XKR6: variants seen among roughly 807,000 people sequenced by gnomAD.
XKR6 encodes the protein XK related 6.
XKR6 carries 22 observed loss-of-function variants against 56.7 expected under a neutral mutation model. That is an observed-to-expected ratio of 0.39 (90% CI 0.28 to 0.55). The LOEUF is 0.55. Ranked by LOEUF, XKR6 falls within the 20% of genes least tolerant of loss-of-function variation. XKR6 has a pLI of 0.66. For missense variants in XKR6, 852 were observed against 889.0 expected, an observed-to-expected ratio of 0.96 and a Z score of 0.53; for synonymous variants, 524 against 387.8, an observed-to-expected ratio of 1.35 and a Z score of -4.13.
chr8:11,169,310 T>G (rs953935146), intron 1 of XKR6, among the ~76,000 whole-genome samples: 9 of 152,208 alleles, frequency 5.9e-5, no homozygotes, highest in Non-Finnish European at 7.3e-5. Flanking sequence ...GAACTTCAGG[T>G]GCTACCTCAC....
chr8:11,188,798 G>T (rs1235837094), intron 1 of XKR6, among the ~76,000 whole-genome samples: 3 of 152,142 alleles, frequency 2.0e-5, no homozygotes, highest in African/African-American at 7.2e-5. Flanking sequence ...CAAGTCCACA[G>T]ACCCCAGGCC....
intron 1 of XKR6, among the ~76,000 whole-genome samples, chr8:11,087,487 A>G (rs887394752): frequency 8.5e-5 from 13 of 152,144 alleles, no homozygotes; most frequent in African/African-American, 3.1e-4. Context: ...AGACATGGAG[A>G]AGGCTGGCAG....
intron 1 of XKR6, among the ~76,000 whole-genome samples, chr8:10,974,450 G>C (rs575275296): frequency 4.3e-4 from 65 of 152,304 alleles, no homozygotes; most frequent in Non-Finnish European, 8.1e-4. Flanking sequence ...ATGCTCCCCA[G>C]AAAGGCTACC....
chr8:10,948,436 C>T (rs959885855), intron 1 of XKR6, among the ~76,000 whole-genome samples: 3 of 152,158 alleles, frequency 2.0e-5, no homozygotes, highest in Non-Finnish European at 2.9e-5. Context: ...GCCCCCTGCC[C>T]TGGCTGAGTG....
intron 1 of XKR6, among the ~76,000 whole-genome samples, chr8:10,975,471 C>A (rs577909927): frequency 3.9e-4 from 60 of 152,390 alleles, no homozygotes; most frequent in Non-Finnish European, 8.8e-5. Flanking sequence ...GCCAGAGCCA[C>A]GTGCTTGCCC....
intron 1 of XKR6, among the ~76,000 whole-genome samples, chr8:11,097,702 G>A (rs975533634): frequency 6.6e-6 from 1 of 150,840 alleles, no homozygotes; most frequent in African/African-American, 2.4e-5. Context: ...AGCTACTTGG[G>A]AGGCTGAGGC....
intron 1 of XKR6, among the ~76,000 whole-genome samples, chr8:10,966,243 C>A (rs1802218527): frequency 6.6e-6 from 1 of 152,022 alleles, no homozygotes; most frequent in Non-Finnish European, 1.5e-5. Context: ...ATTTCCATTT[C>A]TAACAAGTTC....
chr8:11,129,014 G>T, intron 1 of XKR6: 1 of 456,140 alleles, frequency 2.2e-6, no homozygotes, highest in South Asian at 1.6e-5. Context: ...TAACTGAGGT[G>T]AAACTTACAC....
Position 10,898,441 on chromosome 8 carries a change from A to G in XKR6, c.1437T>C (p.Cys479=). The change falls in exon 3 of 3, where the codon TGT becomes TGC. Residue 479 remains cysteine, a synonymous_variant. Transcript: ENST00000416569. The surrounding 1 kb of genome is among the most constrained non-coding windows in gnomAD (Gnocchi z 6.6). ...TDSYAVPALC[C]VFISFVAGIA... Reference sequence around the variant, plus strand: ...TCCCAGCCACAAAGCTAATAAAGACACAACACAGTGCTGGCACCGCATAGG... The same window carrying G: ...TCCCAGCCACAAAGCTAATAAAGACGCAACACAGTGCTGGCACCGCATAGG... 6.2e-7 allele frequency: 1 copy of G among 1,614,086 alleles called. No individual in the cohort carries two copies. The highest frequency in any genetic ancestry group is 8.5e-7 in the Non-Finnish European group (1 of 1,180,016).
chr8:11,133,455 G>A (rs1022978863), intron 1 of XKR6, among the ~76,000 whole-genome samples: 36 of 152,250 alleles, frequency 2.4e-4, no homozygotes, highest in African/African-American at 8.2e-4. Context: ...GCAAAAACTA[G>A]GAGGAGACCA....
At chr8:10,972,088 C>T (rs1332346326) in intron 1 of XKR6, among the ~76,000 whole-genome samples, 2 of 152,154 alleles carry the variant, frequency 1.3e-5, no homozygotes, top group Non-Finnish European at 2.9e-5. Flanking sequence ...GTTGCGAGTG[C>T]CAATCGCCTC....
chr8:11,169,468 A>T (rs995399068), intron 1 of XKR6, among the ~76,000 whole-genome samples: 3 of 152,228 alleles, frequency 2.0e-5, no homozygotes, highest in Non-Finnish European at 4.4e-5. Flanking sequence ...AAAGGAACAA[A>T]ACTCTGATAT....
chr8:11,170,505 A>T (rs1271779290), intron 1 of XKR6, among the ~76,000 whole-genome samples: 1 of 152,210 alleles, frequency 6.6e-6, no homozygotes, highest in Non-Finnish European at 1.5e-5. Flanking sequence ...GCAACTCTAC[A>T]GACACAGACT....
At chr8:10,978,097 T>A (rs540547770) in intron 1 of XKR6, among the ~76,000 whole-genome samples, 2 of 152,154 alleles carry the variant, frequency 1.3e-5, no homozygotes, top group Non-Finnish European at 2.9e-5. Context: ...CTGGCCTCTA[T>A]TTCCCATGCA....
chr8:11,066,732 T>G (rs1295488752), intron 1 of XKR6: 1 of 152,208 alleles, frequency 6.6e-6, no homozygotes, highest in Non-Finnish European at 1.5e-5. Flanking sequence ...TGTGGCCATT[T>G]TCTAGATGAG....
intron 1 of XKR6, among the ~76,000 whole-genome samples, chr8:10,998,630 G>T (rs1053384799): frequency 6.6e-6 from 1 of 152,196 alleles, no homozygotes; most frequent in Non-Finnish European, 1.5e-5. Flanking sequence ...TGCAAACCTT[G>T]GCTGACAGCC....
Position 11,200,995 on chromosome 8 carries a change from C to A in XKR6, c.345G>T (p.Pro115=), listed in dbSNP as rs1240089553. 4 of 1,446,198 alleles carry A rather than the reference C, an allele frequency of 2.8e-6. No homozygotes were observed. Among genetic ancestry groups the A allele is most frequent in the Non-Finnish European group, 9.1e-7 (1 of 1,098,738 alleles). 89.6% of individuals were successfully genotyped at this position (1,446,198 alleles called of 1,614,324 possible). A position where few individuals can be genotyped will look rare whatever the true frequency, so the allele number is the denominator to read the frequency against. The change falls in exon 1 of 3, where the codon CCG becomes CCT. Residue 115 remains proline, a synonymous_variant. Transcript: ENST00000416569. This position sits in a 1 kb window ranked among gnomAD's most constrained non-coding sequence, Gnocchi z 6.4. The stretch of plus-strand genomic sequence containing the variant: ...GCTCCACCTGCGGCGGCGGCGGCTC[C>A]GGCCGCGCGGCCGAGGGCGTCGGGG... ...RQPPTPSAAR[P]EPPPPQVERP... is the part of the protein sequence containing the mutation.
At chr8:11,022,303 C>T (rs1798765694) in intron 1 of XKR6, among the ~76,000 whole-genome samples, 1 of 152,048 alleles carries the variant, frequency 6.6e-6, no homozygotes, top group Admixed American at 6.6e-5. Flanking sequence ...AACCAAGCCC[C>T]ATTGTTCCAC....
intron 1 of XKR6, among the ~76,000 whole-genome samples, chr8:11,020,331 C>A (rs1419000922): frequency 6.6e-6 from 1 of 152,192 alleles, no homozygotes; most frequent in Non-Finnish European, 1.5e-5. Context: ...TCAGCCATCC[C>A]TCCAGAAATG....
Sources: allele counts gnomAD v4.1 joint callset (sites outside exome capture counted in the v4.1 genomes callset), GRCh38; gene constraint gnomAD v4.1.1; non-coding constraint Gnocchi (gnomAD v3.1); transcripts MANE v1.5; gene names NCBI Gene and HGNC (gene_info 2026-07-23, HGNC 2026-07-21).